SETBP1: variants seen among roughly 807,000 people sequenced by gnomAD.
SETBP1 encodes the protein SET-binding protein.
Under a neutral mutation model 101.0 loss-of-function variants are expected in SETBP1, and 9 were observed. The ratio of observed to expected loss-of-function variants is 0.09; its 90% CI spans 0.05 to 0.16. The LOEUF is 0.16. Ranked by LOEUF, SETBP1 falls within the 10% of genes least tolerant of loss-of-function variation. The pLI, the probability that SETBP1 is intolerant of heterozygous loss-of-function variation, is 1.00. For synonymous variants in SETBP1, 818 were observed against 788.5 expected (o/e 1.04, Z -0.63); for missense variants, 1,858 against 2,033.8 (o/e 0.91, Z 1.66).
intron 2 of SETBP1, among the ~76,000 whole-genome samples, chr18:44,749,894 T>G (rs1403586256): frequency 6.6e-6 from 1 of 152,184 alleles, no homozygotes; most frequent in African/African-American, 2.4e-5. Flanking sequence ...TGGTGAAGCA[T>G]CCAATGAGTG....
chr18:44,797,599 T>C (rs2071507601), intron 2 of SETBP1, among the ~76,000 whole-genome samples: 1 of 152,136 alleles, frequency 6.6e-6, no homozygotes, highest in East Asian at 1.9e-4. Flanking sequence ...TAGAATTCTC[T>C]TGGCGAAAAT....
chr18:45,042,675 A>T (rs1179978474), intron 5 of SETBP1, among the ~76,000 whole-genome samples: 1 of 152,166 alleles, frequency 6.6e-6, no homozygotes, highest in Non-Finnish European at 1.5e-5. Context: ...CATGTGTTAT[A>T]TGGGTCCCCC....
chr18:44,891,106 G>A (rs2069758822), intron 3 of SETBP1, among the ~76,000 whole-genome samples: 1 of 152,258 alleles, frequency 6.6e-6, no homozygotes, highest in East Asian at 1.9e-4. Flanking sequence ...ATGGATAGCA[G>A]CAGATAAAGA....
intron 2 of SETBP1, among the ~76,000 whole-genome samples, chr18:44,719,302 C>A (rs552635627): frequency 1.3e-5 from 2 of 152,250 alleles, no homozygotes; most frequent in African/African-American, 4.8e-5. Flanking sequence ...CGAGAGCTGA[C>A]CACTTCATGG....
intron 2 of SETBP1, among the ~76,000 whole-genome samples, chr18:44,757,076 C>T (rs950465885): frequency 2.0e-5 from 3 of 151,964 alleles, no homozygotes; most frequent in South Asian, 2.1e-4. Context: ...ATTTAGTTCA[C>T]GTATCTGACT....
At chr18:44,711,496 CCT>C (rs1056610268) in intron 2 of SETBP1, among the ~76,000 whole-genome samples, 1 of 147,084 alleles carries the variant, frequency 6.8e-6, no homozygotes, top group African/African-American at 2.5e-5. Context: ...TCCCTCCTTC[CCT>C]CTCTCCCTTT....
chr18:44,895,631 A>G (rs987121399), intron 3 of SETBP1, among the ~76,000 whole-genome samples: 2 of 152,078 alleles, frequency 1.3e-5, no homozygotes, highest in Admixed American at 6.5e-5. Flanking sequence ...CCATTACCCC[A>G]TGCTGCCTCC....
At chr18:44,765,300 A>G (rs1464559515) in intron 2 of SETBP1, among the ~76,000 whole-genome samples, 2 of 151,330 alleles carry the variant, frequency 1.3e-5, no homozygotes, top group Non-Finnish European at 2.9e-5. Context: ...CTTTCCTTGC[A>G]GAAGGAAAGA....
chr18:45,057,578 A>T (rs558973878), intron 5 of SETBP1, among the ~76,000 whole-genome samples: 31 of 152,258 alleles, frequency 2.0e-4, no homozygotes, highest in Non-Finnish European at 3.5e-4. Context: ...CACACAGAGC[A>T]ATTCATACTG....
chr18:44,720,237 AG>A (rs1038830966), intron 2 of SETBP1, among the ~76,000 whole-genome samples: 2 of 152,300 alleles, frequency 1.3e-5, no homozygotes, highest in African/African-American at 4.8e-5. Context: ...CTTGAAATGA[AG>A]GCCATGAAGC....
chr18:45,059,214 C>T (rs2073854917), intron 5 of SETBP1, among the ~76,000 whole-genome samples: 1 of 152,116 alleles, frequency 6.6e-6, no homozygotes, highest in Non-Finnish European at 1.5e-5. Context: ...CTTCCACTTA[C>T]CTCCTCCCTT....
At chr18:44,859,224 A>T (rs2073030889) in intron 2 of SETBP1, among the ~76,000 whole-genome samples, 1 of 152,216 alleles carries the variant, frequency 6.6e-6, no homozygotes, top group Admixed American at 6.5e-5. Flanking sequence ...AGTCAGCTTG[A>T]GTTTAGAAAA....
Position 44,816,649 on chromosome 18 carries a change from C to A in SETBP1, c.487-52581C>A, listed in dbSNP as rs1485828611. Among the ~76,000 whole-genome samples the A allele has an allele frequency of 2.0e-5, 3 of 152,298 alleles. No individual in the cohort carries two copies. The East Asian group carries it at 5.8e-4, about 29-fold the overall frequency. On this transcript the variant is annotated intron_variant, in intron 2 of 5. Transcript: ENST00000649279. Reference sequence around the variant, plus strand: ...TTTCCGTGAATGAGTCCTCAGCTGCCTGCTGAAATAAATGCTGCTTTTACA... The same window carrying A: ...TTTCCGTGAATGAGTCCTCAGCTGCATGCTGAAATAAATGCTGCTTTTACA...
intron 2 of SETBP1, among the ~76,000 whole-genome samples, chr18:44,795,032 G>A (rs2071446701): frequency 6.6e-6 from 1 of 152,122 alleles, no homozygotes; most frequent in Non-Finnish European, 1.5e-5. Context: ...TATGATTCCT[G>A]TGCTCCAGAA....
chr18:44,698,441 C>T (rs1313562051), intron 1 of SETBP1, among the ~76,000 whole-genome samples: 2 of 152,172 alleles, frequency 1.3e-5, no homozygotes, highest in Non-Finnish European at 2.9e-5. Flanking sequence ...TATTTCCAGC[C>T]TCACCTCTCA....
chr18:44,853,318 A>G (rs2072908801), intron 2 of SETBP1, among the ~76,000 whole-genome samples: 1 of 152,130 alleles, frequency 6.6e-6, no homozygotes, highest in Admixed American at 6.5e-5. Flanking sequence ...TAACACCAAC[A>G]ATTTCATCTG....
intron 4 of SETBP1, among the ~76,000 whole-genome samples, chr18:44,971,011 CTCCCCCCT>C (rs2071840796): frequency 6.6e-6 from 1 of 151,986 alleles, no homozygotes; most frequent in African/African-American, 2.4e-5. Flanking sequence ...AATGCTATGC[CTCCCCCCT>C]CTCCCCTTCC....
intron 2 of SETBP1, among the ~76,000 whole-genome samples, chr18:44,717,222 C>T (rs532608813): frequency 5.9e-5 from 9 of 152,172 alleles, no homozygotes; most frequent in Non-Finnish European, 1.3e-4. Flanking sequence ...GAGTTTCTCA[C>T]CTCTGACTCT....
At chr18:44,902,027 A>G (rs28482318) in intron 3 of SETBP1, among the ~76,000 whole-genome samples, 8,074 of 152,272 alleles carry the variant, frequency 0.053, 714 homozygotes, top group African/African-American at 0.18. Flanking sequence ...TGTAGTAGCC[A>G]GTAGCCACAT....
Sources: allele counts gnomAD v4.1 joint callset (sites outside exome capture counted in the v4.1 genomes callset), GRCh38; gene constraint gnomAD v4.1.1; transcripts MANE v1.5; gene names NCBI Gene and HGNC (gene_info 2026-07-23, HGNC 2026-07-21).